Variants in NAALADL2 observed in about 807,000 individuals in gnomAD.
NAALADL2 encodes the protein inactive N-acetylated-alpha-linked acidic dipeptidase-like protein 2.
NAALADL2 carries 76 observed loss-of-function variants against 87.2 expected under a neutral mutation model. The observed-to-expected ratio is 0.87, with a 90% confidence interval of 0.72 to 1.05. The LOEUF (loss-of-function observed/expected upper bound fraction) is 1.05, where lower values mean the gene tolerates loss of function less well. NAALADL2 is among the 50% of genes least tolerant of loss of function. The pLI is 0.00. For missense variants in NAALADL2, 1,089 were observed against 945.8 expected, an observed-to-expected ratio of 1.15 and a Z score of -1.99; for synonymous variants, 354 against 331.0, an observed-to-expected ratio of 1.07 and a Z score of -0.75.
intron 12 of NAALADL2, among the ~76,000 whole-genome samples, chr3:175,740,220 G>T (rs930202087): frequency 6.6e-6 from 1 of 152,196 alleles, no homozygotes; most frequent in Non-Finnish European, 1.5e-5. Context: ...TGCTGGTAAT[G>T]GGTAAACAAA....
chr3:174,650,816 C>T (rs1014417327), intron 2 of NAALADL2, among the ~76,000 whole-genome samples: 3 of 152,100 alleles, frequency 2.0e-5, no homozygotes, highest in Non-Finnish European at 4.4e-5. Flanking sequence ...AATGTCTTAG[C>T]ACGCCAGGCT....
intron 1 of NAALADL2, among the ~76,000 whole-genome samples, chr3:174,901,559 T>C (rs1732302449): frequency 6.6e-6 from 1 of 152,194 alleles, no homozygotes; most frequent in East Asian, 1.9e-4. Flanking sequence ...GGATCACCTT[T>C]TCTCAGTCCA....
At chr3:175,682,054 CTTCAG>C (rs1735671014) in intron 11 of NAALADL2, among the ~76,000 whole-genome samples, 1 of 152,038 alleles carries the variant, frequency 6.6e-6, no homozygotes, top group African/African-American at 2.4e-5. Flanking sequence ...CCCATTATAA[CTTCAG>C]TTCAGAGTTG....
intron 11 of NAALADL2, among the ~76,000 whole-genome samples, chr3:175,640,071 A>G (rs1447989799): frequency 6.6e-6 from 1 of 152,216 alleles, no homozygotes; most frequent in African/African-American, 2.4e-5. Flanking sequence ...TGTATGTTGG[A>G]TGACTTTAAT....
chr3:175,719,229 A>C (rs1675919619), intron 11 of NAALADL2, among the ~76,000 whole-genome samples: 1 of 152,130 alleles, frequency 6.6e-6, no homozygotes, highest in African/African-American at 2.4e-5. Flanking sequence ...TACAAAAAAA[A>C]AAAAGGAAAG....
intron 2 of NAALADL2, among the ~76,000 whole-genome samples, chr3:175,157,026 A>G (rs1217212756): frequency 6.6e-6 from 1 of 152,080 alleles, no homozygotes; most frequent in Non-Finnish European, 1.5e-5. Flanking sequence ...TTTAAAATAG[A>G]AAGGAAAGAA....
At chr3:175,330,339 G>A (rs911722177) in intron 5 of NAALADL2, among the ~76,000 whole-genome samples, 7 of 152,088 alleles carry the variant, frequency 4.6e-5, no homozygotes, top group African/African-American at 1.4e-4. Context: ...AGCTACTTGG[G>A]AGGCTGAGGT....
intron 2 of NAALADL2, among the ~76,000 whole-genome samples, chr3:174,636,177 A>G (rs1722628057): frequency 6.6e-6 from 1 of 152,214 alleles, no homozygotes; most frequent in Non-Finnish European, 1.5e-5. Flanking sequence ...CACCACATAC[A>G]AAAATCAACT....
intron 2 of NAALADL2, among the ~76,000 whole-genome samples, chr3:174,674,283 A>G (rs1239199030): frequency 6.6e-6 from 1 of 152,038 alleles, no homozygotes; most frequent in Non-Finnish European, 1.5e-5. Flanking sequence ...CCCATGATCC[A>G]AACACCTCCC....
intron 11 of NAALADL2, among the ~76,000 whole-genome samples, chr3:175,689,270 A>G (rs1174010924): frequency 6.6e-6 from 1 of 152,182 alleles, no homozygotes; most frequent in African/African-American, 2.4e-5. Flanking sequence ...ATATCTTCTC[A>G]GGAATCATTT....
chr3:175,374,553 G>GAAAAAAAAAAAAA (rs765485400), intron 5 of NAALADL2, among the ~76,000 whole-genome samples: 1 of 45,394 alleles, frequency 2.2e-5, no homozygotes, highest in African/African-American at 6.8e-5. Context: ...TGCATCTCCA[G>GAAAAAAAAAAAAA]AAAAAAAAAA....
At chr3:174,988,367 C>A (rs1746260323) in intron 1 of NAALADL2, among the ~76,000 whole-genome samples, 1 of 152,190 alleles carries the variant, frequency 6.6e-6, no homozygotes, top group African/African-American at 2.4e-5. Flanking sequence ...ACTTATATTA[C>A]TTAACAAATA....
chr3:175,160,065 C>T (rs1481312014), intron 2 of NAALADL2, among the ~76,000 whole-genome samples: 2 of 150,296 alleles, frequency 1.3e-5, no homozygotes, highest in African/African-American at 2.4e-5. Flanking sequence ...CCTCGAACTC[C>T]GAACCTCAAA....
chr3:175,241,921 G>A (rs528966576), intron 3 of NAALADL2, among the ~76,000 whole-genome samples: 1 of 137,924 alleles, frequency 7.3e-6, no homozygotes, highest in East Asian at 2.3e-4. Context: ...GAGTGCAGTG[G>A]GGAGGTCTTG....
At chr3:175,071,133 A>G (rs575607091) in intron 1 of NAALADL2, among the ~76,000 whole-genome samples, 5 of 152,062 alleles carry the variant, frequency 3.3e-5, no homozygotes, top group African/African-American at 9.7e-5. Flanking sequence ...AGGGGCAAGC[A>G]CAAACACTGA....
At chr3:175,057,482 G>A (rs145127908) in intron 1 of NAALADL2, among the ~76,000 whole-genome samples, 39 of 152,242 alleles carry the variant, frequency 2.6e-4, no homozygotes, top group African/African-American at 8.7e-4. Context: ...AGTGATGTAG[G>A]AGACTTTTTG....
chr3:174,845,045 T>TA (rs967925933), intron 3 of NAALADL2, among the ~76,000 whole-genome samples: 32 of 152,158 alleles, frequency 2.1e-4, no homozygotes, highest in African/African-American at 7.7e-4. Flanking sequence ...GAAACAAAGA[T>TA]AAATTCTAAA....
intron 3 of NAALADL2, among the ~76,000 whole-genome samples, chr3:174,757,581 T>G (rs1453398065): frequency 6.6e-6 from 1 of 152,008 alleles, no homozygotes; most frequent in Non-Finnish European, 1.5e-5. Flanking sequence ...AAAGTCCGCC[T>G]CCTGGGTTCC....
At chr3:175,396,030 C>T (rs1428088928) in intron 5 of NAALADL2, among the ~76,000 whole-genome samples, 2 of 152,126 alleles carry the variant, frequency 1.3e-5, no homozygotes, top group African/African-American at 4.8e-5. Context: ...CAATAAACAA[C>T]TCACTGTGCA....
Sources: gnomAD v4.1 joint callset for allele counts (sites outside exome capture counted in the v4.1 genomes callset) on GRCh38, gnomAD v4.1.1 for gene constraint, MANE v1.5 for transcripts, NCBI Gene and HGNC (gene_info 2026-07-23, HGNC 2026-07-21) for gene names.